Variants in ZNF385A observed in about 807,000 individuals in gnomAD.
ZNF385A encodes hematopoietic zinc finger protein.
ZNF385A carries 14 observed loss-of-function variants against 32.1 expected under a neutral mutation model. That is an observed-to-expected ratio of 0.44 (90% CI 0.29 to 0.68). The LOEUF (loss-of-function observed/expected upper bound fraction) is 0.68, where lower values mean the gene tolerates loss of function less well. Ranked by LOEUF, ZNF385A falls within the 30% of genes least tolerant of loss-of-function variation. ZNF385A has a pLI of 0.14. For synonymous variants in ZNF385A, 197 were observed against 202.7 expected (o/e 0.97, Z 0.24); for missense variants, 406 against 478.4 (o/e 0.85, Z 1.41).
chr12:54,384,469 C>G lies in ZNF385A; in HGVS notation c.46G>C (p.Glu16Gln). ...AAGAGGCCAAGGGTAGGGGCTGGCT[C>G]GAGTGGGAAGGGCAGGATCTGCTTG... ...DLKQILPFPL[E>Q]PAPTLGLFSN... The change falls in exon 1 of 7, where the codon GAG becomes CAG. Residue 16 changes from glutamate (E) to glutamine (Q), a missense_variant. By Grantham distance (29) the Glu-to-Gln change is conservative. Coordinates refer to ENST00000394313, the MANE Select transcript of ZNF385A (RefSeq NM_015481.3). The G allele has an allele frequency of 6.3e-7, 1 of 1,589,586 alleles. No individual in the cohort carries two copies. Among genetic ancestry groups the G allele is most frequent in the Non-Finnish European group, 8.6e-7 (1 of 1,168,828 alleles).
At chr12:54,373,000 C>G (rs143191545) in intron 3 of ZNF385A, 2,072 of 174,116 alleles carry the variant, frequency 0.012, 39 homozygotes, top group African/African-American at 0.048. Context: ...GATTGTGCCA[C>G]TGCACTCTAG....
chr12:54,375,980 G>A (rs376929390), intron 1 of ZNF385A, 26 bp from the exon 2 acceptor site: 74 of 1,591,906 alleles, frequency 4.6e-5, no homozygotes, highest in African/African-American at 3.6e-4. Context: ...GGGGTGAGCC[G>A]GGAACCCTAG....
At chr12:54,379,236 C>A in intron 1 of ZNF385A, 29 of 978,756 alleles carry the variant, frequency 3.0e-5, no homozygotes, top group Non-Finnish European at 3.3e-5. Context: ...TGGCCCGGGC[C>A]GGAGCCCGCC....
At chr12:54,390,578 T>G (rs1354217799) in intron 1 of ZNF385A, among the ~76,000 whole-genome samples, 1 of 152,060 alleles carries the variant, frequency 6.6e-6, no homozygotes, top group African/African-American at 2.4e-5. Flanking sequence ...TGGGGCAGGA[T>G]GGCTGTGGAG....
rs1210071042 is a variant in ZNF385A, at chr12:54,370,395, G to T, written c.962C>A (p.Ala321Glu). Residue 321 changes from alanine (A) to glutamate (E), a missense_variant, in exon 7 of 7, where the codon GCA becomes GAA. Physicochemically the swap from Ala to Glu is moderately radical, Grantham distance 107. Coordinates refer to ENST00000394313, the MANE Select transcript of ZNF385A (RefSeq NM_015481.3). This position sits in a 1 kb window ranked among gnomAD's most constrained non-coding sequence, Gnocchi z 5.5. ...PLAVAAVMAA[A>E]AGSPLSLRPA... ...GCGCAGGGACAGCGGCGAGCCTGCTGCCGCTGCCATCACTGCAGCCACCGC... is the reference window on the plus strand; with the variant it reads ...GCGCAGGGACAGCGGCGAGCCTGCTTCCGCTGCCATCACTGCAGCCACCGC... 6.5e-7 allele frequency: 1 copy of T among 1,532,506 alleles called. No individual in the cohort carries two copies. The highest frequency in any genetic ancestry group is 1.2e-5 in the South Asian group (1 of 81,918). 94.9% of individuals were successfully genotyped at this position (1,532,506 alleles called of 1,614,324 possible). A position where few individuals can be genotyped will look rare whatever the true frequency, so the allele number is the denominator to read the frequency against.
intron 3 of ZNF385A, among the ~76,000 whole-genome samples, 180 bp from the exon 4 acceptor site, chr12:54,371,895 G>T (rs901401511): frequency 1.3e-5 from 2 of 152,240 alleles, no homozygotes; most frequent in Non-Finnish European, 2.9e-5. Flanking sequence ...CCGCAGGCTG[G>T]GTGTGAAACT....
upstream of ZNF385A, among the ~76,000 whole-genome samples, chr12:54,387,813 G>A (rs578203571): frequency 6.6e-6 from 1 of 152,316 alleles, no homozygotes; most frequent in African/African-American, 2.4e-5. Flanking sequence ...TTTGGCCAAG[G>A]TCACACAGTT....
At chr12:54,386,302 G>GA (rs2137306494), upstream of ZNF385A, among the ~76,000 whole-genome samples, 1 of 152,154 alleles carries the variant, frequency 6.6e-6, no homozygotes, top group East Asian at 1.9e-4. Flanking sequence ...CACTGAGAGA[G>GA]AAAAGGATAG....
chr12:54,376,515 G>T (rs1388519124), intron 1 of ZNF385A, among the ~76,000 whole-genome samples: 2 of 152,140 alleles, frequency 1.3e-5, no homozygotes, highest in African/African-American at 4.8e-5. Flanking sequence ...ACCTCTTAAG[G>T]GCAGCAACTT....
Position 54,371,025 on chromosome 12 carries a change from GC to G in ZNF385A, c.675del (p.Pro226LeufsTer31). ...LGPIKAYPRL[G>X]PPTPGEPEAP... Reference sequence around the variant, plus strand: ...GCCTCTGGTTCCCCCGGGGTGGGAGGCCCCAGCCGAGGGTAAGCTTTGATGG... The same window carrying G: ...GCCTCTGGTTCCCCCGGGGTGGGAGGCCCAGCCGAGGGTAAGCTTTGATGG... On this transcript the variant is annotated frameshift_variant, in exon 5 of 7. Transcript: ENST00000394313. LOFTEE classifies it high-confidence loss of function. The G allele has an allele frequency of 6.2e-7, 1 of 1,614,160 alleles. No homozygotes were observed. The highest frequency in any genetic ancestry group is 8.5e-7 in the Non-Finnish European group (1 of 1,180,004).
At chr12:54,383,798 G>A (rs1327967263) in intron 1 of ZNF385A, among the ~76,000 whole-genome samples, 1 of 152,222 alleles carries the variant, frequency 6.6e-6, no homozygotes, top group Non-Finnish European at 1.5e-5. Context: ...GGGAGGCCGA[G>A]GCAGGAGAAT....
At chr12:54,385,780 C>A, upstream of ZNF385A, 1 of 414,804 alleles carries the variant, frequency 2.4e-6, no homozygotes, top group Non-Finnish European at 3.2e-6. Flanking sequence ...CTGCCCCCTC[C>A]CTTGCCAGCC....
intron 1 of ZNF385A, chr12:54,381,280 A>T (rs1955164133): frequency 6.6e-6 from 1 of 152,182 alleles, no homozygotes; most frequent in Non-Finnish European, 1.5e-5. Context: ...TGAGGTTCAG[A>T]ATGGTTAAAT....
At chr12:54,381,613 G>T (rs940417572) in intron 1 of ZNF385A, among the ~76,000 whole-genome samples, 2 of 152,094 alleles carry the variant, frequency 1.3e-5, no homozygotes, top group Non-Finnish European at 2.9e-5. Flanking sequence ...GATGGGGGGA[G>T]GTTTTCTCCC....
chr12:54,384,469 C>T lies in ZNF385A; in HGVS notation c.46G>A (p.Glu16Lys), dbSNP rs756660792. Residue 16 changes from glutamate (E) to lysine (K), a missense_variant, in exon 1 of 7, where the codon GAG (glutamate) becomes AAG (lysine). Physicochemically the swap from Glu to Lys is moderately conservative, Grantham distance 56 (BLOSUM62 1). Coordinates refer to ENST00000394313, the MANE Select transcript of ZNF385A (RefSeq NM_015481.3). ...AAGAGGCCAAGGGTAGGGGCTGGCT[C>T]GAGTGGGAAGGGCAGGATCTGCTTG... ...DLKQILPFPL[E>K]PAPTLGLFSN... 27 of 1,589,586 alleles carry T rather than the reference C, an allele frequency of 1.7e-5. No individual in the cohort carries two copies. Among genetic ancestry groups the T allele is most frequent in the South Asian group, 1.6e-4 (14 of 87,470 alleles).
In ZNF385A at chr12:54,384,528, CGT is replaced by C. The variant is rs1555162272; in HGVS notation, c.-16_-15del. 1 of 1,513,836 alleles carries C rather than the reference CGT, an allele frequency of 6.6e-7. No individual in the cohort carries two copies. The highest frequency in any genetic ancestry group is 8.8e-7 in the Non-Finnish European group (1 of 1,133,922). The allele number at this position is 1,513,836 out of a possible 1,614,324, so 93.8% of individuals were successfully genotyped here. ...TGGGGGCTGCATGATCGGGGGCTGCCGTAGCAGAGGCAGGGGCCCTGCCCGGC... is the reference window on the plus strand; with the variant it reads ...TGGGGGCTGCATGATCGGGGGCTGCCAGCAGAGGCAGGGGCCCTGCCCGGC... On this transcript the variant is annotated 5_prime_UTR_variant, in exon 1 of 7. Coordinates refer to ENST00000394313, the MANE Select transcript of ZNF385A (RefSeq NM_015481.3).
At chr12:54,375,124 T>C (rs1236292222) in intron 2 of ZNF385A, among the ~76,000 whole-genome samples, 2 of 151,964 alleles carry the variant, frequency 1.3e-5, no homozygotes, top group Non-Finnish European at 2.9e-5. Flanking sequence ...ATGCTTTTAT[T>C]TTCCCCTACT....
chr12:54,390,850 C>G (rs2120413840), intron 1 of ZNF385A, among the ~76,000 whole-genome samples: 1 of 151,982 alleles, frequency 6.6e-6, no homozygotes, highest in South Asian at 2.1e-4. Context: ...TGGGGGAAGA[C>G]GCTGGGGCGG....
In ZNF385A at chr12:54,370,087, C is replaced by A. The variant is rs1371603897; in HGVS notation, c.*169G>T. On this transcript the variant is annotated 3_prime_UTR_variant, in exon 7 of 7. Coordinates refer to ENST00000394313, the MANE Select transcript of ZNF385A (RefSeq NM_015481.3). This position sits in a 1 kb window ranked among gnomAD's most constrained non-coding sequence, Gnocchi z 5.5. ...CTGGGGTGTTCCCCCCCTTCTGAAG[C>A]CCCCCTCCCCCGCTACCCCTCCCCT... 5 of 521,366 alleles carry A rather than the reference C, an allele frequency of 9.6e-6. No individual in the cohort carries two copies. Among genetic ancestry groups the A allele is most frequent in the African/African-American group, 2.0e-5 (1 of 49,812 alleles). 32.3% of individuals were successfully genotyped at this position (521,366 alleles called of 1,614,324 possible). A position where few individuals can be genotyped will look rare whatever the true frequency, so the allele number is the denominator to read the frequency against.
Sources: allele counts gnomAD v4.1 joint callset (sites outside exome capture counted in the v4.1 genomes callset), GRCh38; gene constraint gnomAD v4.1.1; non-coding constraint Gnocchi (gnomAD v3.1); transcripts MANE v1.5; gene names NCBI Gene and HGNC (gene_info 2026-07-23, HGNC 2026-07-21).